ZNF804A: variants seen among roughly 807,000 people sequenced by gnomAD.
ZNF804A encodes zinc finger protein 804A.
Under a neutral mutation model 16.5 loss-of-function variants are expected in ZNF804A, and 2 were observed. The observed-to-expected ratio is 0.12, with a 90% CI of 0.05 to 0.38. The LOEUF is 0.38. ZNF804A is among the 10% of genes least tolerant of loss of function. ZNF804A has a pLI of 0.99. For missense variants in ZNF804A, 1,473 were observed against 1,390.7 expected (o/e 1.06, Z -0.94); for synonymous variants, 534 against 489.6 (o/e 1.09, Z -1.20).
chr2:184,793,082 C>T (rs1321659054), intron 1 of ZNF804A, among the ~76,000 whole-genome samples: 4 of 152,104 alleles, frequency 2.6e-5, no homozygotes, highest in African/African-American at 9.7e-5. Context: ...CTCCATCCAT[C>T]GTGCTGCAAA....
At chr2:184,910,765 T>C (rs746870976) in intron 2 of ZNF804A, among the ~76,000 whole-genome samples, 1 of 152,062 alleles carries the variant, frequency 6.6e-6, no homozygotes. Context: ...TGGCCACTTG[T>C]ATATCTTCTT....
intron 1 of ZNF804A, among the ~76,000 whole-genome samples, chr2:184,653,801 T>C (rs1001453811): frequency 5.3e-5 from 8 of 152,178 alleles, no homozygotes; most frequent in African/African-American, 1.9e-4. Context: ...CTCCAGCAGT[T>C]TGGCTTTTAA....
At chr2:184,714,357 T>G (rs1178646188) in intron 1 of ZNF804A, among the ~76,000 whole-genome samples, 1 of 152,108 alleles carries the variant, frequency 6.6e-6, no homozygotes, top group African/African-American at 2.4e-5. Flanking sequence ...TATTTTAATG[T>G]TGGTAAACTA....
At chr2:184,686,030 G>C (rs543588505) in intron 1 of ZNF804A, among the ~76,000 whole-genome samples, 1 of 152,344 alleles carries the variant, frequency 6.6e-6, no homozygotes, top group South Asian at 2.1e-4. Context: ...CCAAGTGCAC[G>C]TACACCTGGC....
chr2:184,828,560 A>C (rs573593290), intron 1 of ZNF804A, among the ~76,000 whole-genome samples: 1 of 149,708 alleles, frequency 6.7e-6, no homozygotes, highest in African/African-American at 2.4e-5. Context: ...TCAATTTTGT[A>C]CTCTTTATTT....
At chr2:184,837,316 G>A (rs1695368054) in intron 1 of ZNF804A, among the ~76,000 whole-genome samples, 1 of 151,868 alleles carries the variant, frequency 6.6e-6, no homozygotes, top group Admixed American at 6.6e-5. Context: ...CTCTCTTCAG[G>A]CTAATTTAGC....
In ZNF804A at chr2:184,724,723, G is replaced by A. The variant is rs893174193; in HGVS notation, c.111+125653G>A. The stretch of plus-strand genomic sequence containing the variant: ...GTCCACCATCTAACTACAAAGAAGG[G>A]CATGTAAATAAGTGAATTACAAGGC... On this transcript the variant is annotated intron_variant, in intron 1 of 3. Transcript: ENST00000302277. Among the ~76,000 whole-genome samples the A allele has an allele frequency of 1.6e-4, 24 of 151,644 alleles. 1 individual carries two copies. Among genetic ancestry groups the A allele is most frequent in the Admixed American group, 1.5e-3 (23 of 15,192 alleles).
intron 1 of ZNF804A, among the ~76,000 whole-genome samples, chr2:184,851,828 T>C (rs1158122517): frequency 6.6e-6 from 1 of 151,812 alleles, no homozygotes; most frequent in Non-Finnish European, 1.5e-5. Flanking sequence ...TCCATTTCTC[T>C]ACATACTTGT....
intron 2 of ZNF804A, among the ~76,000 whole-genome samples, chr2:184,905,191 T>C (rs554135600): frequency 7.2e-5 from 11 of 152,088 alleles, no homozygotes; most frequent in Non-Finnish European, 1.5e-4. Flanking sequence ...TAATCCTTTG[T>C]CATTAAATCC....
At chr2:184,811,076 G>A (rs1694891721) in intron 1 of ZNF804A, among the ~76,000 whole-genome samples, 1 of 152,124 alleles carries the variant, frequency 6.6e-6, no homozygotes, top group Non-Finnish European at 1.5e-5. Flanking sequence ...CAGGCACTGA[G>A]GTGTTACAAA....
chr2:184,715,259 A>AG (rs2105739067), intron 1 of ZNF804A, among the ~76,000 whole-genome samples: 1 of 152,306 alleles, frequency 6.6e-6, no homozygotes, highest in Admixed American at 6.5e-5. Context: ...CACAGACATA[A>AG]GTTATTGAGT....
rs183042484 is a variant in ZNF804A, at chr2:184,623,514, T to C, written c.111+24444T>C. Among the ~76,000 whole-genome samples the C allele has an allele frequency of 7.2e-5, 11 of 152,288 alleles. No individual in the cohort carries two copies. In the East Asian group the frequency reaches 2.1e-3, roughly 29 times the overall value. On this transcript the variant is annotated intron_variant, in intron 1 of 3. Coordinates refer to ENST00000302277, the MANE Select transcript of ZNF804A (RefSeq NM_194250.2). ...TCACATTTTTCATATATTTTTACTATGTTAATGGTTCCAAGAAACATTTGT... is the reference window on the plus strand; with the variant it reads ...TCACATTTTTCATATATTTTTACTACGTTAATGGTTCCAAGAAACATTTGT...
chr2:184,620,869 A>T (rs1691406983), intron 1 of ZNF804A, among the ~76,000 whole-genome samples: 1 of 151,758 alleles, frequency 6.6e-6, no homozygotes, highest in African/African-American at 2.4e-5. Flanking sequence ...TTAGTATACA[A>T]GGAATGGTAT....
chr2:184,667,880 T>C (rs938445597), intron 1 of ZNF804A, among the ~76,000 whole-genome samples: 1 of 151,850 alleles, frequency 6.6e-6, no homozygotes, highest in African/African-American at 2.4e-5. Flanking sequence ...TAAAAATATC[T>C]GTGTTTTCAT....
chr2:184,850,834 T>C lies in ZNF804A; in HGVS notation c.112-15535T>C, dbSNP rs944201984. Among the ~76,000 whole-genome samples the C allele has an allele frequency of 2.0e-5, 3 of 151,824 alleles. No homozygotes were observed. The Admixed American group carries it at 2.0e-4, about 10-fold the overall frequency. ...TATTTATATCTTTGCAATTTTAACT[T>C]ATTTAAATGGGATATTTCTAGTAGA... is the stretch of plus-strand genomic sequence containing the variant. On this transcript the variant is annotated intron_variant, in intron 1 of 3. Coordinates refer to ENST00000302277, the MANE Select transcript of ZNF804A (RefSeq NM_194250.2).
chr2:184,696,581 C>T (rs983229967), intron 1 of ZNF804A, among the ~76,000 whole-genome samples: 1 of 152,100 alleles, frequency 6.6e-6, no homozygotes, highest in Admixed American at 6.6e-5. Flanking sequence ...AATGCAATAT[C>T]ATGCAGCACA....
intron 1 of ZNF804A, among the ~76,000 whole-genome samples, chr2:184,649,711 C>T (rs1205557822): frequency 6.6e-6 from 1 of 151,678 alleles, no homozygotes; most frequent in Non-Finnish European, 1.5e-5. Flanking sequence ...TGGAAGAACA[C>T]AGTCTCCCAA....
intron 3 of ZNF804A, 97 bp from the exon 4 acceptor site, chr2:184,935,686 A>G: frequency 1.4e-6 from 2 of 1,387,320 alleles, no homozygotes; most frequent in Non-Finnish European, 1.9e-6. Flanking sequence ...TAAAATTTGA[A>G]AAAATATTAT....
At chr2:184,811,475 CTTTT>C (rs1320688978) in intron 1 of ZNF804A, among the ~76,000 whole-genome samples, 4 of 152,226 alleles carry the variant, frequency 2.6e-5, no homozygotes, top group Admixed American at 1.3e-4. Context: ...ATAGAACTTT[CTTTT>C]ATTTCCTTTT....
Sources: gnomAD v4.1 joint callset for allele counts (sites outside exome capture counted in the v4.1 genomes callset) on GRCh38, gnomAD v4.1.1 for gene constraint, MANE v1.5 for transcripts, NCBI Gene and HGNC (gene_info 2026-07-23, HGNC 2026-07-21) for gene names.